The following TAF5L variants were observed in gnomAD, a reference collection of about 807,000 sequenced individuals.
The protein encoded by TAF5L is TATA-box binding protein associated factor 5 like.
A neutral mutation model predicts 51.3 loss-of-function variants in TAF5L; 7 were observed. The ratio of observed to expected loss-of-function variants is 0.14; its 90% CI spans 0.08 to 0.26. The LOEUF is 0.26. Ranked by LOEUF, TAF5L falls within the 10% of genes least tolerant of loss-of-function variation. TAF5L has a pLI of 1.00. For synonymous variants in TAF5L, 291 were observed against 308.1 expected (o/e 0.94, Z 0.58); for missense variants, 575 against 758.9 (o/e 0.76, Z 2.85).
chr1:229,610,294 G>GGTGTTGTGCACCAGGAAGGGT, intron 2 of TAF5L, 84 bp from the exon 3 acceptor site: 1 of 1,305,580 alleles, frequency 7.7e-7, no homozygotes, highest in South Asian at 1.2e-5. Context: ...GGTGAAGGAG[G>GGTGTTGTGCACCAGGAAGGGT]GTGTTGTGCA....
intron 4 of TAF5L, chr1:229,600,240 T>C: frequency 1.0e-6 from 1 of 985,260 alleles, no homozygotes; most frequent in South Asian, 4.7e-5. Flanking sequence ...CAAATTGCTG[T>C]GATAAAATGG....
rs893172807 is a variant in TAF5L, at chr1:229,605,126, G to A, written c.248-2207C>T. ...TTTGTATGTATATATATATATATAT[G>A]TATTTTTTTTTTAGTAGAGATGAGG... On this transcript the variant is annotated intron_variant, in intron 3 of 4. Coordinates refer to ENST00000258281, the Ensembl canonical transcript of TAF5L. Among the ~76,000 whole-genome samples, 582 of 146,222 alleles carry A rather than the reference G, an allele frequency of 4.0e-3. 9 individuals are homozygous for A. The highest frequency in any genetic ancestry group is 0.015 in the African/African-American group (563 of 38,204).
At chr1:229,620,895 T>C (rs1665175184) in intron 1 of TAF5L, among the ~76,000 whole-genome samples, 1 of 152,228 alleles carries the variant, frequency 6.6e-6, no homozygotes, top group Non-Finnish European at 1.5e-5. Context: ...CTTATCACTG[T>C]TCCTGAAACT....
intron 1 of TAF5L, among the ~76,000 whole-genome samples, chr1:229,615,918 G>C (rs1046919795): frequency 6.6e-6 from 1 of 152,154 alleles, no homozygotes; most frequent in Non-Finnish European, 1.5e-5. Flanking sequence ...TTTTGTGTGG[G>C]AGATCTGTTT....
At chr1:229,610,161 C>T (rs757391444) in exon 3 of TAF5L, 12 of 1,614,064 alleles carry the variant, frequency 7.4e-6, no homozygotes, top group Non-Finnish European at 3.4e-6. Context: ...GGGGTTCTGC[C>T]TGGCAAGGGG....
intron 1 of TAF5L, among the ~76,000 whole-genome samples, chr1:229,617,792 A>T (rs556718555): frequency 3.3e-5 from 5 of 152,336 alleles, no homozygotes; most frequent in African/African-American, 1.2e-4. Context: ...GCTAGAAACT[A>T]GTCTGTAATA....
At chr1:229,620,956 A>ATGTGTG (rs60562331) in intron 1 of TAF5L, among the ~76,000 whole-genome samples, 3,105 of 150,000 alleles carry the variant, frequency 0.021, 106 homozygotes, top group African/African-American at 0.07. Context: ...TAAAACATTT[A>ATGTGTG]TGTGTGTGTG....
At chr1:229,610,002 A>T in intron 3 of TAF5L, 104 bp downstream of exon 3, 1 of 878,494 alleles carries the variant, frequency 1.1e-6, no homozygotes, top group Non-Finnish European at 1.8e-6. Flanking sequence ...TTTTCTTTTT[A>T]CCGCTCCTTG....
intron 1 of TAF5L, among the ~76,000 whole-genome samples, chr1:229,622,072 G>A (rs1045589671): frequency 6.6e-6 from 1 of 150,416 alleles, no homozygotes; most frequent in Admixed American, 6.6e-5. Context: ...TATCTATACA[G>A]ATAGATATAT....
intron 2 of TAF5L, among the ~76,000 whole-genome samples, chr1:229,613,243 T>C (rs940141844): frequency 1.6e-4 from 23 of 144,010 alleles, no homozygotes; most frequent in African/African-American, 5.7e-4. Context: ...AGATGGAGGA[T>C]CACTTGAGCC....
chr1:229,621,191 G>A (rs1665189674), intron 1 of TAF5L, among the ~76,000 whole-genome samples: 2 of 152,150 alleles, frequency 1.3e-5, no homozygotes, highest in Non-Finnish European at 2.9e-5. Context: ...AGTCATAAGT[G>A]GCCAATGATT....
At chr1:229,596,799 T>C (rs1664142937) in intron 4 of TAF5L, among the ~76,000 whole-genome samples, 1 of 152,232 alleles carries the variant, frequency 6.6e-6, no homozygotes. Context: ...AGGAGTATGA[T>C]GAAGATCCCC....
exon 5 of TAF5L, chr1:229,595,009 T>G: frequency 6.2e-7 from 1 of 1,614,172 alleles, no homozygotes; most frequent in African/African-American, 1.3e-5. Flanking sequence ...CCCTGAGCTG[T>G]CCGCGAGGAA....
rs1032594546 is a variant in TAF5L at position 229,610,269 on chromosome 1, G to C, written c.143-59C>G. On this transcript the variant is annotated intron_variant, in intron 2 of 4. Coordinates refer to ENST00000258281, the Ensembl canonical transcript of TAF5L. ...AAACAGAGAGACGATTATTAACCCAGTACGTGGCAGGATGGGTGAAGGAGG... is the reference window on the plus strand; with the variant it reads ...AAACAGAGAGACGATTATTAACCCACTACGTGGCAGGATGGGTGAAGGAGG... 4 of 1,512,482 alleles carry C rather than the reference G, an allele frequency of 2.6e-6. No homozygotes were observed. The African/African-American group carries it at 5.5e-5, about 21-fold the overall frequency. The allele number at this position is 1,512,482 out of a possible 1,614,324, so 93.7% of individuals were successfully genotyped here.
chr1:229,619,477 A>G (rs1223553733), intron 1 of TAF5L, among the ~76,000 whole-genome samples: 3 of 152,192 alleles, frequency 2.0e-5, no homozygotes, highest in East Asian at 1.9e-4. Flanking sequence ...TGGGGATGGC[A>G]GCAGTGGTAG....
At position 229,602,216 on chromosome 1, in the gene TAF5L, A is replaced by G; in HGVS notation, c.951T>C (p.Ala317=). ...ATACCTCCTCCTCCAGAATATCACA[A>G]GCCAAATGGATGCGGGACACGTCTA... The change falls in exon 4 of 5, where the codon GCT becomes GCC. Residue 317 remains alanine (A), a synonymous_variant. Coordinates refer to ENST00000258281, the Ensembl canonical transcript of TAF5L. The surrounding 1 kb of genome is among the most constrained non-coding windows in gnomAD (Gnocchi z 4.6). The G allele has an allele frequency of 6.2e-7, 1 of 1,613,886 alleles. No homozygotes were observed. The highest frequency in any genetic ancestry group is 8.5e-7 in the Non-Finnish European group (1 of 1,179,798).
chr1:229,599,802 T>C (rs1051829898), intron 4 of TAF5L: 14 of 984,052 alleles, frequency 1.4e-5, no homozygotes, highest in Admixed American at 6.1e-5. Context: ...TGTCTAGAAG[T>C]GGAATTGCTG....
chr1:229,595,824 C>A (rs954171993), intron 4 of TAF5L, among the ~76,000 whole-genome samples: 3 of 152,164 alleles, frequency 2.0e-5, no homozygotes, highest in Admixed American at 1.3e-4. Flanking sequence ...TGCCACCACG[C>A]CTGGCTAATT....
chr1:229,594,453 G>A lies in TAF5L; in HGVS notation c.1614C>T (p.Asp538=), dbSNP rs1345857490. The change falls in exon 5 of 5, where the codon GAC becomes GAT. Residue 538 remains aspartate, a synonymous_variant. Transcript: ENST00000258281. The surrounding 1 kb of genome is among the most constrained non-coding windows in gnomAD (Gnocchi z 7.9). ...GTGCACTGCAGTAAGTGTTCCTGAT[G>A]TCCCAGACGCGCACCGAGTTGTCCA... The A allele has an allele frequency of 6.2e-7, 1 of 1,614,154 alleles. No homozygotes were observed. The highest frequency in any genetic ancestry group is 1.1e-5 in the South Asian group (1 of 91,080).
Sources: gnomAD v4.1 joint callset for allele counts (sites outside exome capture counted in the v4.1 genomes callset) on GRCh38, gnomAD v4.1.1 for gene constraint, Gnocchi (gnomAD v3.1) non-coding constraint, MANE v1.5 for transcripts, NCBI Gene and HGNC (gene_info 2026-07-23, HGNC 2026-07-21) for gene names.